Variants in PPP1R7 observed in about 807,000 individuals in gnomAD.
The protein encoded by PPP1R7 is protein phosphatase 1 regulatory subunit 7, also known as protein phosphatase 1 regulatory subunit 22.
Under a neutral mutation model 45.2 loss-of-function variants are expected in PPP1R7, and 18 were observed. The observed-to-expected ratio is 0.40, with a 90% CI of 0.28 to 0.59. The LOEUF (loss-of-function observed/expected upper bound fraction) is 0.59. PPP1R7 is among the 20% of genes least tolerant of loss of function. The probability of loss-of-function intolerance (pLI) is 0.46; values close to 1 mark genes in which losing one functional copy is unlikely to be tolerated. For synonymous variants in PPP1R7, 181 were observed against 183.4 expected, an observed-to-expected ratio of 0.99 and a Z score of 0.11; for missense variants, 314 against 455.8, an observed-to-expected ratio of 0.69 and a Z score of 2.83.
At chr2:241,157,758 C>T in intron 2 of PPP1R7, 49 bp from the exon 3 acceptor site, 1 of 1,562,510 alleles carries the variant, frequency 6.4e-7, no homozygotes, top group Non-Finnish European at 8.8e-7. Context: ...TTCACCAGTG[C>T]CTCCTGTTAA....
chr2:241,182,828 T>G lies in PPP1R7; in HGVS notation c.*5T>G, dbSNP rs768433089. 4 of 1,606,300 alleles carry G rather than the reference T, an allele frequency of 2.5e-6. No individual in the cohort carries two copies. Among genetic ancestry groups the G allele is most frequent in the Non-Finnish European group, 3.4e-6 (4 of 1,173,498 alleles). On this transcript the variant is annotated 3_prime_UTR_variant, in exon 10 of 10. Coordinates refer to ENST00000234038, the MANE Select transcript of PPP1R7 (RefSeq NM_002712.3). ...GCCACGTTCGTCAGGTTCTGAGTCC[T>G]TCTTGGCTCCTCATGTGGTCCCTCT...
intron 9 of PPP1R7, among the ~76,000 whole-genome samples, chr2:241,173,912 C>CT (rs1218450858): frequency 0.016 from 1,597 of 100,898 alleles, 56 homozygotes; most frequent in East Asian, 0.1. Context: ...GAACATTTGG[C>CT]TTTATTTTTT....
At chr2:241,170,179 A>G (rs10185639) in intron 9 of PPP1R7, among the ~76,000 whole-genome samples, 45,866 of 152,146 alleles carry the variant, frequency 0.3, 7,598 homozygotes, top group Middle Eastern at 0.46. Context: ...AGTACACACA[A>G]AGGTTGGAGA....
chr2:241,158,420 C>T lies in PPP1R7; in HGVS notation c.238-64C>T. Reference sequence around the variant, plus strand: ...GCTGCCCACTTCCAGGCCGCCTCTTCTAGGACGACACAGGTCTCCAGCCAC... The same window carrying T: ...GCTGCCCACTTCCAGGCCGCCTCTTTTAGGACGACACAGGTCTCCAGCCAC... On this transcript the variant is annotated intron_variant, in intron 3 of 9. Transcript: ENST00000234038. 5.2e-6 allele frequency: 8 copies of T among 1,549,086 alleles called. 1 individual carries two copies. In the South Asian group the frequency reaches 7.8e-5, roughly 15 times the overall value.
intron 1 of PPP1R7, among the ~76,000 whole-genome samples, 173 bp downstream of exon 1, chr2:241,150,720 G>C (rs2067252464): frequency 6.6e-6 from 1 of 152,188 alleles, no homozygotes; most frequent in Non-Finnish European, 1.5e-5. Context: ...TGGACCTCGG[G>C]GGAGCCCCGG....
chr2:241,172,829 A>G (rs1398220600), intron 9 of PPP1R7, among the ~76,000 whole-genome samples: 1 of 152,046 alleles, frequency 6.6e-6, no homozygotes, highest in Non-Finnish European at 1.5e-5. Flanking sequence ...TGAAAAATCT[A>G]TTTAATTTGC....
intron 9 of PPP1R7, among the ~76,000 whole-genome samples, chr2:241,181,955 A>T (rs2068013904): frequency 6.6e-6 from 1 of 151,598 alleles, no homozygotes; most frequent in Non-Finnish European, 1.5e-5. Flanking sequence ...TGTTCTGGAG[A>T]TGGCACCACT....
Position 241,183,592 on chromosome 2 carries a change from C to CAAGAGTTCAGA in PPP1R7, c.*769_*770insAAGAGTTCAGA. 1 of 359,124 alleles carries CAAGAGTTCAGA rather than the reference C, an allele frequency of 2.8e-6. No individual in the cohort carries two copies. The highest frequency in any genetic ancestry group is 5.7e-6 in the Non-Finnish European group (1 of 176,914). 22.2% of individuals were successfully genotyped at this position (359,124 alleles called of 1,614,324 possible). On this transcript the variant is annotated 3_prime_UTR_variant, in exon 10 of 10. Coordinates refer to ENST00000234038, the MANE Select transcript of PPP1R7 (RefSeq NM_002712.3). ...AACTCTTGGCCACTGGTATAGTGGC[C>CAAGAGTTCAGA]TCCTGTTCTCACCCCATTGTTATTT... is the stretch of plus-strand genomic sequence containing the variant.
rs1575403772 is a variant in PPP1R7, at chr2:241,172,647, A to G, written c.906+2780A>G. Among the ~76,000 whole-genome samples the G allele has an allele frequency of 2.6e-5, 4 of 151,818 alleles. No homozygotes were observed. In the South Asian group the frequency reaches 8.3e-4, roughly 31 times the overall value. ...CAAAAAAGTGAAACTCCGTCTCAAA[A>G]AAAAAAAAAAAGAAATTTAAAAACA... On this transcript the variant is annotated intron_variant, in intron 9 of 9. Transcript: ENST00000234038.
At chr2:241,176,877 G>C (rs374317198) in intron 9 of PPP1R7, among the ~76,000 whole-genome samples, 9 of 152,212 alleles carry the variant, frequency 5.9e-5, no homozygotes, top group African/African-American at 1.9e-4. Flanking sequence ...AGGCACTCTC[G>C]TGACTACGGA....
upstream of PPP1R7, chr2:241,149,659 G>A: frequency 6.5e-7 from 1 of 1,543,532 alleles, no homozygotes; most frequent in Non-Finnish European, 8.7e-7. Flanking sequence ...GGGCGCCTCC[G>A]CCCCCGGGCC....
At chr2:241,150,291 C>G, upstream of PPP1R7, 1 of 1,317,570 alleles carries the variant, frequency 7.6e-7, no homozygotes. Context: ...GGCTCCGCCG[C>G]CTGAAATTAC....
At position 241,166,527 on chromosome 2, in the gene PPP1R7, C is replaced by T. The variant is rs573722853; in HGVS notation, c.819+86C>T. 8.1e-5 allele frequency: 92 copies of T among 1,132,992 alleles called. No individual in the cohort carries two copies. The African/African-American group carries it at 1.1e-3, about 14-fold the overall frequency. 70.2% of individuals were successfully genotyped at this position (1,132,992 alleles called of 1,614,324 possible). A position where few individuals can be genotyped will look rare whatever the true frequency, so the allele number is the denominator to read the frequency against. ...CTGGCCAGCCAGCACACACTGGCCT[C>T]TCGGGCCGGTGTCAGGAAGATGCCC... On this transcript the variant is annotated intron_variant, in intron 8 of 9. Coordinates refer to ENST00000234038, the MANE Select transcript of PPP1R7 (RefSeq NM_002712.3).
chr2:241,170,693 C>T (rs1017757457), intron 9 of PPP1R7, among the ~76,000 whole-genome samples: 1 of 152,198 alleles, frequency 6.6e-6, no homozygotes, highest in Admixed American at 6.5e-5. Context: ...TGCTTATGTC[C>T]TGTGCTTTCT....
intron 3 of PPP1R7, 129 bp downstream of exon 3, chr2:241,157,991 C>T (rs2067498029): frequency 5.6e-6 from 5 of 889,358 alleles, no homozygotes; most frequent in South Asian, 3.0e-5. Context: ...GTCAGAGTCC[C>T]GTGTTCATGT....
intron 1 of PPP1R7, among the ~76,000 whole-genome samples, chr2:241,150,929 G>C (rs2067269405): frequency 6.6e-6 from 1 of 152,258 alleles, no homozygotes. Flanking sequence ...GGATCTACCA[G>C]AGTCTGCTCC....
chr2:241,150,574 CA>C, intron 1 of PPP1R7, 27 bp downstream of exon 1: 1 of 1,578,984 alleles, frequency 6.3e-7, no homozygotes, highest in Non-Finnish European at 8.6e-7. Context: ...GGCGGCGGCC[CA>C]AGGGCCCAGC....
chr2:241,165,321 C>G (rs1185483067), intron 7 of PPP1R7, among the ~76,000 whole-genome samples: 1 of 151,984 alleles, frequency 6.6e-6, no homozygotes, highest in Non-Finnish European at 1.5e-5. Flanking sequence ...TGTGCACCAC[C>G]ACGCCCGGCT....
chr2:241,154,385 A>C (rs527798119), intron 2 of PPP1R7, among the ~76,000 whole-genome samples: 1 of 152,034 alleles, frequency 6.6e-6, no homozygotes, highest in Admixed American at 6.5e-5. Flanking sequence ...CTGAGGATTG[A>C]CTTCTAAAGT....
Sources: allele counts gnomAD v4.1 joint callset (sites outside exome capture counted in the v4.1 genomes callset), GRCh38; gene constraint gnomAD v4.1.1; transcripts MANE v1.5; gene names NCBI Gene and HGNC (gene_info 2026-07-23, HGNC 2026-07-21).